The following ASIC2 variants were observed in gnomAD, a reference collection of about 807,000 sequenced individuals.
The protein encoded by ASIC2 is acid-sensing ion channel 2.
In ASIC2, 25 loss-of-function variants were observed where a neutral mutation model predicts 57.3. The observed-to-expected ratio is 0.44, with a 90% CI of 0.32 to 0.61. ASIC2 has a LOEUF of 0.61. ASIC2 is among the 20% of genes least tolerant of loss of function. The pLI is 0.06. For missense variants in ASIC2, 641 were observed against 738.1 expected, an observed-to-expected ratio of 0.87 and a Z score of 1.52; for synonymous variants, 319 against 307.5, an observed-to-expected ratio of 1.04 and a Z score of -0.39.
At chr17:33,289,698 CATT>C (rs1226699453) in intron 1 of ASIC2, among the ~76,000 whole-genome samples, 3 of 152,208 alleles carry the variant, frequency 2.0e-5, no homozygotes, top group Non-Finnish European at 4.4e-5. Context: ...GAATAAAACT[CATT>C]AACGCAGGGC....
In ASIC2 at chr17:33,900,556, TA is replaced by T. The variant is rs1214851638; in HGVS notation, c.555+255421del. On this transcript the variant is annotated intron_variant, in intron 1 of 9. Coordinates refer to the ASIC2 transcript ENST00000359872. ...TTGTATTATTTTGACTCATGAGAAG[TA>T]AAAAAAAATTTTTTAATCTCTATTA... Among the ~76,000 whole-genome samples, 9 of 152,074 alleles carry T rather than the reference TA, an allele frequency of 5.9e-5. No individual in the cohort carries two copies. The East Asian group carries it at 1.2e-3, about 20-fold the overall frequency.
At chr17:33,540,191 G>C (rs1258644356) in intron 1 of ASIC2, among the ~76,000 whole-genome samples, 3 of 152,050 alleles carry the variant, frequency 2.0e-5, no homozygotes, top group African/African-American at 7.2e-5. Flanking sequence ...GTGTTCCTTG[G>C]GTTGTGGATG....
intron 3 of ASIC2, among the ~76,000 whole-genome samples, chr17:33,061,710 T>C (rs2092021403): frequency 6.6e-6 from 1 of 152,222 alleles, no homozygotes; most frequent in South Asian, 2.1e-4. Context: ...TCTTTTTCTA[T>C]TGATTGGAAT....
intron 1 of ASIC2, among the ~76,000 whole-genome samples, chr17:33,507,106 G>A (rs868398026): frequency 3.9e-5 from 6 of 152,308 alleles, no homozygotes; most frequent in African/African-American, 1.4e-4. Flanking sequence ...CCACAGGCCG[G>A]AGTCTCACTC....
Position 33,353,221 on chromosome 17 carries a change from G to A in ASIC2, c.556-241154C>T, listed in dbSNP as rs561630538. Among the ~76,000 whole-genome samples, 5 of 152,238 alleles carry A rather than the reference G, an allele frequency of 3.3e-5. No individual in the cohort carries two copies. In the South Asian group the frequency reaches 1.0e-3, roughly 32 times the overall value. On this transcript the variant is annotated intron_variant, in intron 1 of 9. Coordinates refer to the ASIC2 transcript ENST00000359872. ...AACTGTTAGCTGTTTCCCTTAAAGT[G>A]CATTTTACTTAGACATTCACCCTTC... is the stretch of plus-strand genomic sequence containing the variant.
At chr17:33,814,862 T>A (rs141554727) in intron 1 of ASIC2, among the ~76,000 whole-genome samples, 18 of 152,332 alleles carry the variant, frequency 1.2e-4, no homozygotes, top group African/African-American at 4.1e-4. Context: ...TGTACTGAGT[T>A]CCTGGATAGT....
At chr17:33,585,888 G>T (rs935843487) in intron 1 of ASIC2, among the ~76,000 whole-genome samples, 2 of 152,156 alleles carry the variant, frequency 1.3e-5, no homozygotes, top group Admixed American at 1.3e-4. Flanking sequence ...GTGGAACAAA[G>T]TGAGGAATAA....
chr17:33,032,504 A>G (rs1001205164), intron 3 of ASIC2, among the ~76,000 whole-genome samples: 5 of 127,498 alleles, frequency 3.9e-5, no homozygotes, highest in Non-Finnish European at 7.8e-5. Context: ...GCTGGAGTGC[A>G]GTGGTGCGAT....
intron 1 of ASIC2, chr17:33,569,179 T>C (rs1916348195): frequency 6.6e-6 from 1 of 152,256 alleles, no homozygotes; most frequent in Non-Finnish European, 1.5e-5. Flanking sequence ...ACTGTGTGCC[T>C]GGCACTGTGG....
rs891193108 is a variant in ASIC2, at chr17:33,372,846, G to A, written c.556-260779C>T. Among the ~76,000 whole-genome samples, 4 of 152,194 alleles carry A rather than the reference G, an allele frequency of 2.6e-5. No homozygotes were observed. In the South Asian group the frequency reaches 8.3e-4, roughly 31 times the overall value. On this transcript the variant is annotated intron_variant, in intron 1 of 9. Coordinates refer to the ASIC2 transcript ENST00000359872. Reference sequence around the variant, plus strand: ...TGGCTGAGGGTAGATGCCCCTCATCGTGGTCTCAGCAGTGGAAGGACAGGC... The same window carrying A: ...TGGCTGAGGGTAGATGCCCCTCATCATGGTCTCAGCAGTGGAAGGACAGGC...
chr17:34,090,413 T>C (rs956038031), intron 1 of ASIC2, among the ~76,000 whole-genome samples: 1 of 140,640 alleles, frequency 7.1e-6, no homozygotes, highest in Non-Finnish European at 1.5e-5. Flanking sequence ...CAGGGTTTAA[T>C]GGGAAGTGCA....
At chr17:33,234,325 T>C (rs1186381443) in intron 1 of ASIC2, among the ~76,000 whole-genome samples, 5 of 152,244 alleles carry the variant, frequency 3.3e-5, no homozygotes, top group African/African-American at 1.2e-4. Flanking sequence ...AGCTTCTCTG[T>C]GCCTTAGGAA....
intron 1 of ASIC2, among the ~76,000 whole-genome samples, chr17:33,885,011 A>G (rs1457642909): frequency 6.6e-6 from 1 of 152,166 alleles, no homozygotes; most frequent in African/African-American, 2.4e-5. Flanking sequence ...TCCCCAAATG[A>G]GCAGCTTCAA....
intron 1 of ASIC2, among the ~76,000 whole-genome samples, chr17:33,748,699 C>T (rs1910337197): frequency 6.6e-6 from 1 of 152,178 alleles, no homozygotes; most frequent in Admixed American, 6.5e-5. Flanking sequence ...AGAAGCTGCC[C>T]TCATGATCTC....
chr17:33,469,070 C>T (rs956529864), intron 1 of ASIC2, among the ~76,000 whole-genome samples: 3 of 152,206 alleles, frequency 2.0e-5, no homozygotes, highest in Admixed American at 6.5e-5. Context: ...AGTGGGTATG[C>T]AAAGTTGGCA....
chr17:33,724,585 C>G (rs1909487861), intron 1 of ASIC2, among the ~76,000 whole-genome samples: 1 of 152,070 alleles, frequency 6.6e-6, no homozygotes, highest in Non-Finnish European at 1.5e-5. Flanking sequence ...GATGCCAGGA[C>G]AATTGGGAAT....
chr17:33,948,633 A>G (rs943276813), intron 1 of ASIC2, among the ~76,000 whole-genome samples: 4 of 152,134 alleles, frequency 2.6e-5, no homozygotes, highest in African/African-American at 9.7e-5. Context: ...GCTTTAGAAA[A>G]CCTGGAATCC....
intron 1 of ASIC2, among the ~76,000 whole-genome samples, chr17:33,672,148 C>G (rs1907657353): frequency 6.6e-6 from 1 of 152,136 alleles, no homozygotes; most frequent in Non-Finnish European, 1.5e-5. Context: ...TACCTTGTCC[C>G]AAAAGGCCAG....
chr17:33,621,694 T>C (rs1032084461), intron 1 of ASIC2, among the ~76,000 whole-genome samples: 1 of 152,202 alleles, frequency 6.6e-6, no homozygotes, highest in Non-Finnish European at 1.5e-5. Context: ...TCCTGCGGTT[T>C]TCTGAACAGC....
Sources: gnomAD v4.1 joint callset for allele counts (sites outside exome capture counted in the v4.1 genomes callset) on GRCh38, gnomAD v4.1.1 for gene constraint, MANE v1.5 for transcripts, NCBI Gene and HGNC (gene_info 2026-07-23, HGNC 2026-07-21) for gene names.